HS2ST1: variants seen among roughly 807,000 people sequenced by gnomAD.
HS2ST1 encodes 2-O-sulfotransferase.
Under a neutral mutation model 42.9 loss-of-function variants are expected in HS2ST1, and 18 were observed. The observed-to-expected ratio is 0.42, with a 90% CI of 0.29 to 0.62. The LOEUF (loss-of-function observed/expected upper bound fraction) is 0.62. Ranked by LOEUF, HS2ST1 falls within the 20% of genes least tolerant of loss-of-function variation. The pLI, the probability that HS2ST1 is intolerant of heterozygous loss-of-function variation, is 0.21. For missense variants in HS2ST1, 334 were observed against 433.8 expected (o/e 0.77, Z 2.04); for synonymous variants, 146 against 152.9 (o/e 0.95, Z 0.33).
intron 1 of HS2ST1, among the ~76,000 whole-genome samples, chr1:87,042,861 A>G (rs959829492): frequency 6.6e-6 from 1 of 152,110 alleles, no homozygotes; most frequent in Admixed American, 6.5e-5. Context: ...ACTCATAGGA[A>G]TTTACTTTTC....
At chr1:86,974,280 G>T (rs752605070) in intron 1 of HS2ST1, among the ~76,000 whole-genome samples, 4 of 152,036 alleles carry the variant, frequency 2.6e-5, no homozygotes, top group East Asian at 1.9e-4. Context: ...ATTAATAATC[G>T]ATTATACCTA....
intron 1 of HS2ST1, among the ~76,000 whole-genome samples, chr1:87,067,161 T>C (rs1375782759): frequency 6.6e-6 from 1 of 152,224 alleles, no homozygotes; most frequent in Non-Finnish European, 1.5e-5. Context: ...TTTTCCACAA[T>C]GGTTGAACTA....
chr1:87,109,935 C>T lies in HS2ST1; in HGVS notation c.*5239C>T, dbSNP rs762971722. On this transcript the variant is annotated 3_prime_UTR_variant, in exon 7 of 7. Coordinates refer to ENST00000370550, the MANE Select transcript of HS2ST1 (RefSeq NM_012262.4). Reference sequence around the variant, plus strand: ...ACCAAGCTGATGTGCCGTTCTCACCCTGCAGAATACTGGTTTTGTCATTTC... The same window carrying T: ...ACCAAGCTGATGTGCCGTTCTCACCTTGCAGAATACTGGTTTTGTCATTTC... 2 of 152,112 alleles carry T rather than the reference C, an allele frequency of 1.3e-5. No homozygotes were observed. Among genetic ancestry groups the T allele is most frequent in the Non-Finnish European group, 2.9e-5 (2 of 67,996 alleles). 9.4% of individuals were successfully genotyped at this position (152,112 alleles called of 1,614,324 possible).
chr1:86,950,753 G>C (rs1343771192), intron 1 of HS2ST1, among the ~76,000 whole-genome samples: 1 of 151,890 alleles, frequency 6.6e-6, no homozygotes, highest in Non-Finnish European at 1.5e-5. Context: ...ATTGGTCAGA[G>C]ACTGAATAAT....
At position 86,982,815 on chromosome 1, in the gene HS2ST1, C is replaced by T. The variant is rs368388184; in HGVS notation, c.124+67655C>T. ...AGGCTTGAGCCACTGCGCCTGGCCG[C>T]CATGTCACCTCTTGAATGCTTTGCT... On this transcript the variant is annotated intron_variant, in intron 1 of 6. Coordinates refer to ENST00000370550, the MANE Select transcript of HS2ST1 (RefSeq NM_012262.4). Among the ~76,000 whole-genome samples the T allele has an allele frequency of 5.3e-5, 8 of 152,090 alleles. No homozygotes were observed. The East Asian group carries it at 1.4e-3, about 26-fold the overall frequency.
At chr1:86,959,239 A>G (rs1029607231) in intron 1 of HS2ST1, among the ~76,000 whole-genome samples, 2 of 152,262 alleles carry the variant, frequency 1.3e-5, no homozygotes, top group African/African-American at 2.4e-5. Context: ...GGTTAATGCA[A>G]TAAGACAGGA....
chr1:87,089,312 CAG>C (rs888885646), intron 3 of HS2ST1, among the ~76,000 whole-genome samples: 3 of 152,080 alleles, frequency 2.0e-5, no homozygotes, highest in Non-Finnish European at 4.4e-5. Flanking sequence ...ACCTGCTGCT[CAG>C]ATTATATCTT....
intron 1 of HS2ST1, among the ~76,000 whole-genome samples, chr1:86,918,480 G>A (rs1222884160): frequency 6.6e-6 from 1 of 151,764 alleles, no homozygotes; most frequent in Non-Finnish European, 1.5e-5. Flanking sequence ...GTGTGTGCGT[G>A]TGTATATATA....
At chr1:87,064,075 C>A (rs902037251) in intron 1 of HS2ST1, among the ~76,000 whole-genome samples, 1 of 152,298 alleles carries the variant, frequency 6.6e-6, no homozygotes, top group South Asian at 2.1e-4. Flanking sequence ...AGGCTCCCTA[C>A]TTGTCCTGTA....
intron 1 of HS2ST1, among the ~76,000 whole-genome samples, chr1:86,987,756 A>C (rs763837466): frequency 8.5e-5 from 13 of 152,240 alleles, no homozygotes; most frequent in Non-Finnish European, 1.3e-4. Context: ...TGCTGTTTAC[A>C]AGTCAAATGG....
chr1:86,989,348 C>A (rs920003312), intron 1 of HS2ST1, among the ~76,000 whole-genome samples: 1 of 152,210 alleles, frequency 6.6e-6, no homozygotes, highest in Non-Finnish European at 1.5e-5. Flanking sequence ...GGCTTACCTT[C>A]TATTAGCAAA....
chr1:86,971,523 G>A (rs1648233754), intron 1 of HS2ST1, among the ~76,000 whole-genome samples: 1 of 152,148 alleles, frequency 6.6e-6, no homozygotes, highest in Non-Finnish European at 1.5e-5. Flanking sequence ...ATGGTTAGAT[G>A]TCTAGTCTTA....
intron 1 of HS2ST1, among the ~76,000 whole-genome samples, chr1:87,070,711 A>G (rs1318764400): frequency 2.0e-5 from 3 of 152,222 alleles, no homozygotes; most frequent in Non-Finnish European, 4.4e-5. Flanking sequence ...AGGTTTATTT[A>G]TAAAGCACTA....
chr1:87,028,168 G>A (rs185643939), intron 1 of HS2ST1, among the ~76,000 whole-genome samples: 151 of 152,192 alleles, frequency 9.9e-4, no homozygotes, highest in African/African-American at 3.4e-3. Context: ...ACAATTTCAC[G>A]TACACTACTA....
At chr1:86,945,256 G>A (rs1647296504) in intron 1 of HS2ST1, among the ~76,000 whole-genome samples, 1 of 152,100 alleles carries the variant, frequency 6.6e-6, no homozygotes, top group African/African-American at 2.4e-5. Context: ...GATGTGATAT[G>A]GTAGAAATAT....
chr1:87,097,506 G>A (rs549262014), intron 4 of HS2ST1, among the ~76,000 whole-genome samples: 3 of 152,182 alleles, frequency 2.0e-5, no homozygotes, highest in South Asian at 2.1e-4. Context: ...CGATTCTCCC[G>A]CCTCAGCCTC....
Position 86,914,995 on chromosome 1 carries a change from C to T in HS2ST1, c.-42C>T. 1 of 1,612,184 alleles carries T rather than the reference C, an allele frequency of 6.2e-7. No homozygotes were observed. Among genetic ancestry groups the T allele is most frequent in the Middle Eastern group, 1.8e-4 (1 of 5,578 alleles). On this transcript the variant is annotated 5_prime_UTR_variant, in exon 1 of 7. Coordinates refer to ENST00000370550, the MANE Select transcript of HS2ST1 (RefSeq NM_012262.4). ...CTCTCTCGCCTCCGGGGTCCCGCTCCCCGCCCCCCGCGGTATGTCTTGATC... is the reference window on the plus strand; with the variant it reads ...CTCTCTCGCCTCCGGGGTCCCGCTCTCCGCCCCCCGCGGTATGTCTTGATC...
chr1:86,967,339 T>A (rs944636566), intron 1 of HS2ST1, among the ~76,000 whole-genome samples: 1 of 152,232 alleles, frequency 6.6e-6, no homozygotes, highest in Non-Finnish European at 1.5e-5. Flanking sequence ...CAGGTGGTTT[T>A]TGGTTACATG....
intron 1 of HS2ST1, among the ~76,000 whole-genome samples, chr1:86,935,651 A>T (rs1660631582): frequency 6.6e-6 from 1 of 151,288 alleles, no homozygotes; most frequent in Admixed American, 6.6e-5. Context: ...TTTAGTAGAG[A>T]TGGGGTTTTG....
Sources: allele counts gnomAD v4.1 joint callset (sites outside exome capture counted in the v4.1 genomes callset), GRCh38; gene constraint gnomAD v4.1.1; transcripts MANE v1.5; gene names NCBI Gene and HGNC (gene_info 2026-07-23, HGNC 2026-07-21).